The following SETDB2 variants were observed in gnomAD, a reference collection of about 807,000 sequenced individuals.
The protein encoded by SETDB2 is histone-lysine N-methyltransferase SETDB2.
In SETDB2, 56 loss-of-function variants were observed where a neutral mutation model predicts 82.5. That is an observed-to-expected ratio of 0.68 (90% CI 0.55 to 0.85). SETDB2 has a LOEUF of 0.85. Among genes scored for constraint, SETDB2 ranks in the 40% least tolerant of loss-of-function variants. The pLI, the probability that SETDB2 is intolerant of heterozygous loss-of-function variation, is 0.00. For synonymous variants in SETDB2, 272 were observed against 284.9 expected, an observed-to-expected ratio of 0.95 and a Z score of 0.46; for missense variants, 677 against 816.4, an observed-to-expected ratio of 0.83 and a Z score of 2.08.
At chr13:49,453,506 C>T (rs1957820962) in intron 2 of SETDB2, among the ~76,000 whole-genome samples, 1 of 152,024 alleles carries the variant, frequency 6.6e-6, no homozygotes, top group Non-Finnish European at 1.5e-5. Flanking sequence ...CCATATTGGC[C>T]AGGCTGGTCT....
At chr13:49,448,640 C>T (rs1425106675) in intron 1 of SETDB2, among the ~76,000 whole-genome samples, 1 of 152,138 alleles carries the variant, frequency 6.6e-6, no homozygotes, top group Non-Finnish European at 1.5e-5. Context: ...TCTGTGTAAA[C>T]AGTCTTTTGG....
At chr13:49,468,046 T>A in intron 5 of SETDB2, 86 bp downstream of exon 5, 1 of 914,134 alleles carries the variant, frequency 1.1e-6, no homozygotes, top group Non-Finnish European at 1.5e-6. Context: ...ATAGATGAAA[T>A]ATACAAAAAA....
rs554260477 is a variant in SETDB2 at position 49,444,874 on chromosome 13, C to A, written c.-342+17C>A. ...ATTTCACAGGTAAGATTACACGAGC[C>A]CTTAAATACAGCAAGTTCAGTCATT... On this transcript the variant is annotated intron_variant, in intron 1 of 13. Coordinates refer to ENST00000611815, the MANE Select transcript of SETDB2 (RefSeq NM_001160308.3). 2.0e-5 allele frequency: 3 copies of A among 152,142 alleles called. No individual in the cohort carries two copies. The highest frequency in any genetic ancestry group is 7.2e-5 in the African/African-American group (3 of 41,402). 9.4% of individuals were successfully genotyped at this position (152,142 alleles called of 1,614,324 possible). A position where few individuals can be genotyped will look rare whatever the true frequency, so the allele number is the denominator to read the frequency against.
intron 5 of SETDB2, among the ~76,000 whole-genome samples, chr13:49,468,397 T>G (rs1958158547): frequency 6.6e-6 from 1 of 152,050 alleles, no homozygotes; most frequent in African/African-American, 2.4e-5. Context: ...GACCTTCCCT[T>G]TCTCATTTTA....
chr13:49,466,811 C>CTTTTTTTTT (rs3039228), intron 4 of SETDB2, among the ~76,000 whole-genome samples: 1 of 116,764 alleles, frequency 8.6e-6, no homozygotes, highest in African/African-American at 3.3e-5. Context: ...GCCTGGCTAA[C>CTTTTTTTTT]TTTTTTTTTT....
chr13:49,447,979 GA>G (rs1418288582), intron 1 of SETDB2, among the ~76,000 whole-genome samples: 1 of 151,874 alleles, frequency 6.6e-6, no homozygotes, highest in Non-Finnish European at 1.5e-5. Flanking sequence ...TACTAGCAGT[GA>G]AAAAAATTTC....
chr13:49,461,408 G>A (rs982445705), intron 4 of SETDB2, among the ~76,000 whole-genome samples: 2 of 151,866 alleles, frequency 1.3e-5, no homozygotes, highest in African/African-American at 4.8e-5. Context: ...GTCTTTGGGG[G>A]AAAAAAAGAC....
At chr13:49,448,912 G>A (rs1957739575) in intron 1 of SETDB2, among the ~76,000 whole-genome samples, 1 of 152,076 alleles carries the variant, frequency 6.6e-6, no homozygotes, top group Non-Finnish European at 1.5e-5. Context: ...GATGTTATTT[G>A]TACATAAAGG....
chr13:49,460,828 C>T (rs538802227), intron 3 of SETDB2, among the ~76,000 whole-genome samples: 21 of 152,220 alleles, frequency 1.4e-4, no homozygotes, highest in African/African-American at 4.8e-4. Flanking sequence ...AAAATTGGCA[C>T]TGTTTTTCAT....
intron 6 of SETDB2, among the ~76,000 whole-genome samples, chr13:49,477,603 A>G (rs947442098): frequency 6.6e-6 from 1 of 152,228 alleles, no homozygotes; most frequent in Non-Finnish European, 1.5e-5. Context: ...AAGATAATCA[A>G]TGGCATTACA....
At chr13:49,451,193 A>G (rs951216591) in intron 1 of SETDB2, among the ~76,000 whole-genome samples, 2 of 151,160 alleles carry the variant, frequency 1.3e-5, no homozygotes, top group African/African-American at 4.8e-5. Context: ...AATCTTTCGT[A>G]TGTCAGGCAC....
chr13:49,454,194 C>G (rs901468784), intron 2 of SETDB2, among the ~76,000 whole-genome samples: 1 of 151,844 alleles, frequency 6.6e-6, no homozygotes, highest in African/African-American at 2.4e-5. Context: ...AGGCCGAGGC[C>G]AGGAGTTAGA....
At chr13:49,490,980 C>G in intron 13 of SETDB2, 70 bp downstream of exon 13, 1 of 1,273,376 alleles carries the variant, frequency 7.9e-7, no homozygotes, top group Non-Finnish European at 1.1e-6. Context: ...GGGCTGAGTG[C>G]TGTGGCTCAT....
intron 2 of SETDB2, among the ~76,000 whole-genome samples, chr13:49,457,235 G>A (rs1367454730): frequency 4.3e-5 from 5 of 116,424 alleles, no homozygotes; most frequent in Non-Finnish European, 8.2e-5. Context: ...TTTTTTGAAA[G>A]AGTCTCGCTC....
At chr13:49,485,054 A>G (rs1318685891) in intron 10 of SETDB2, among the ~76,000 whole-genome samples, 3 of 152,270 alleles carry the variant, frequency 2.0e-5, no homozygotes, top group African/African-American at 4.8e-5. Context: ...TGCTCAATAC[A>G]TGTTGACCAT....
Position 49,479,263 on chromosome 13 carries a change from A to G in SETDB2, c.870-956A>G, listed in dbSNP as rs1040271953. On this transcript the variant is annotated intron_variant, in intron 6 of 13. Transcript: ENST00000611815. ...ATGTGGTGTGTATATTTTGAATTAT[A>G]TATACAGGGAAGAGAACTAGACAAA... Among the ~76,000 whole-genome samples the G allele has an allele frequency of 5.3e-5, 8 of 152,228 alleles. No individual in the cohort carries two copies. The East Asian group carries it at 1.5e-3, about 29-fold the overall frequency.
chr13:49,471,063 A>G (rs987201893), intron 5 of SETDB2, among the ~76,000 whole-genome samples: 4 of 144,774 alleles, frequency 2.8e-5, no homozygotes, highest in Non-Finnish European at 6.0e-5. Flanking sequence ...TTGACGCCCT[A>G]AGCTCAAGCG....
intron 5 of SETDB2, among the ~76,000 whole-genome samples, chr13:49,475,241 G>T (rs146695826): frequency 0.035 from 5,299 of 152,110 alleles, 108 homozygotes; most frequent in Middle Eastern, 0.085. Context: ...AGAACAGCAC[G>T]GGAAAGACCT....
chr13:49,460,091 CTTATTT>C lies in SETDB2; in HGVS notation c.17-8_17-3del, dbSNP rs764209530. 1.2e-5 allele frequency: 19 copies of C among 1,606,628 alleles called. No homozygotes were observed. The highest frequency in any genetic ancestry group is 1.4e-5 in the Non-Finnish European group (16 of 1,177,672). ...TTTCTATTAGCTCTTAGGCTAGTCA[CTTATTT>C]TTATTTTAGGCGATGCAAAAACTTT... On this transcript the variant is annotated splice_polypyrimidine_tract_variant and intron_variant, in intron 2 of 13. Transcript: ENST00000611815.
Sources: gnomAD v4.1 joint callset for allele counts (sites outside exome capture counted in the v4.1 genomes callset) on GRCh38, gnomAD v4.1.1 for gene constraint, MANE v1.5 for transcripts, NCBI Gene and HGNC (gene_info 2026-07-23, HGNC 2026-07-21) for gene names.